ZFAT: variants seen among roughly 807,000 people sequenced by gnomAD.
ZFAT encodes the protein zinc finger protein ZFAT.
In ZFAT, 64 loss-of-function variants were observed where a neutral mutation model predicts 117.7. That is an observed-to-expected ratio of 0.54 (90% CI 0.44 to 0.67). The LOEUF (loss-of-function observed/expected upper bound fraction) is 0.67, where lower values mean the gene tolerates loss of function less well. Among genes scored for constraint, ZFAT ranks in the 30% least tolerant of loss-of-function variants. ZFAT has a pLI of 0.00. For missense variants in ZFAT, 1,433 were observed against 1,584.5 expected (o/e 0.90, Z 1.62); for synonymous variants, 679 against 615.0 (o/e 1.10, Z -1.54).
intron 15 of ZFAT, among the ~76,000 whole-genome samples, chr8:134,488,236 T>C (rs1303098545): frequency 1.3e-5 from 2 of 152,168 alleles, no homozygotes; most frequent in Non-Finnish European, 2.9e-5. Context: ...CCTTTGCTAA[T>C]GAAGTTGGCA....
intron 11 of ZFAT, 38 bp from the exon 12 acceptor site, chr8:134,533,010 C>T (rs1422660192): frequency 1.3e-6 from 2 of 1,573,720 alleles, no homozygotes; most frequent in Non-Finnish European, 1.7e-6. Context: ...AAAGGTGAGC[C>T]CCAGATGTCT....
chr8:134,619,539 CTTGT>C (rs968177589), intron 3 of ZFAT, among the ~76,000 whole-genome samples: 34 of 152,144 alleles, frequency 2.2e-4, no homozygotes, highest in Admixed American at 2.2e-3. Context: ...TTACTTATTT[CTTGT>C]TTGTCTCCCC....
chr8:134,800,480 A>G, the ZFAT span: 12 of 482,612 alleles, frequency 2.5e-5, no homozygotes, highest in Non-Finnish European at 4.3e-5. Flanking sequence ...TCTGTATACT[A>G]TTCTTGCCAA....
intron 15 of ZFAT, among the ~76,000 whole-genome samples, chr8:134,509,107 A>T (rs1202276937): frequency 6.6e-6 from 1 of 152,196 alleles, no homozygotes; most frequent in African/African-American, 2.4e-5. Flanking sequence ...CAGATAAAGG[A>T]TTAATTAAGT....
intron 1 of ZFAT, among the ~76,000 whole-genome samples, chr8:134,660,068 G>A (rs1586909240): frequency 6.6e-6 from 1 of 152,312 alleles, no homozygotes; most frequent in East Asian, 1.9e-4. Context: ...CGAACAAGAA[G>A]AGATTAGAGT....
chr8:134,653,210 G>A (rs1586895766), intron 2 of ZFAT, among the ~76,000 whole-genome samples: 1 of 133,228 alleles, frequency 7.5e-6, no homozygotes, highest in South Asian at 2.4e-4. Flanking sequence ...GGGTACATGT[G>A]CACAACGTGC....
At chr8:134,704,671 G>A (rs1323777636) in intron 1 of ZFAT, among the ~76,000 whole-genome samples, 1 of 152,172 alleles carries the variant, frequency 6.6e-6, no homozygotes, top group Non-Finnish European at 1.5e-5. Context: ...AACAAATAGA[G>A]CAATGGAACA....
chr8:134,792,419 G>C, the ZFAT span: 46 of 152,240 alleles, frequency 3.0e-4, no homozygotes, highest in African/African-American at 1.1e-3. Flanking sequence ...TTAATTGTCA[G>C]GTATGCCTTT....
chr8:134,829,592 T>G, the ZFAT span, among the ~76,000 whole-genome samples: 1 of 152,240 alleles, frequency 6.6e-6, no homozygotes, highest in African/African-American at 2.4e-5. Flanking sequence ...ATTAGATAAA[T>G]ACCATTTAAA....
At chr8:134,623,218 T>G (rs914362322) in intron 3 of ZFAT, among the ~76,000 whole-genome samples, 3 of 152,072 alleles carry the variant, frequency 2.0e-5, no homozygotes, top group African/African-American at 7.2e-5. Flanking sequence ...CACCCCAGCT[T>G]CCTCTCACTG....
At chr8:134,778,024 T>G in the ZFAT span, among the ~76,000 whole-genome samples, 1 of 152,196 alleles carries the variant, frequency 6.6e-6, no homozygotes, top group African/African-American at 2.4e-5. Flanking sequence ...ACTGGCCTTC[T>G]TCCTGCCAGC....
At chr8:134,484,889 G>A (rs1817559597) in intron 15 of ZFAT, among the ~76,000 whole-genome samples, 1 of 152,156 alleles carries the variant, frequency 6.6e-6, no homozygotes, top group Non-Finnish European at 1.5e-5. Context: ...TCAAACTCCT[G>A]GACTCAAGAG....
At position 134,509,606 on chromosome 8, in the gene ZFAT, G is replaced by C. The variant is rs745463815; in HGVS notation, c.3492+13C>G. The C allele has an allele frequency of 1.9e-6, 3 of 1,613,250 alleles. No homozygotes were observed. The highest frequency in any genetic ancestry group is 2.5e-6 in the Non-Finnish European group (3 of 1,179,686). On this transcript the variant is annotated intron_variant, in intron 15 of 15. Coordinates refer to ENST00000377838, the MANE Select transcript of ZFAT (RefSeq NM_020863.4). The stretch of plus-strand genomic sequence containing the variant: ...CACACAGAGATGAATAGTTACAGAA[G>C]GAGGGTCCCTACCTGCTTAACCACA...
At chr8:134,687,554 C>T (rs1256143607) in intron 1 of ZFAT, among the ~76,000 whole-genome samples, 1 of 152,152 alleles carries the variant, frequency 6.6e-6, no homozygotes, top group Non-Finnish European at 1.5e-5. Context: ...AATCATTTTA[C>T]ATAAACAGGA....
intron 11 of ZFAT, among the ~76,000 whole-genome samples, chr8:134,559,512 T>C (rs1586707781): frequency 6.6e-6 from 1 of 152,240 alleles, no homozygotes; most frequent in Non-Finnish European, 1.5e-5. Flanking sequence ...ACAGTAAGCA[T>C]TTCATGCATC....
intron 10 of ZFAT, among the ~76,000 whole-genome samples, chr8:134,574,877 T>C (rs1825187934): frequency 6.6e-6 from 1 of 152,224 alleles, no homozygotes; most frequent in Admixed American, 6.5e-5. Context: ...CAAGAGTTTT[T>C]AGAAAATTGA....
intron 1 of ZFAT, among the ~76,000 whole-genome samples, chr8:134,700,649 G>A (rs575869800): frequency 6.6e-6 from 1 of 152,168 alleles, no homozygotes; most frequent in African/African-American, 2.4e-5. Context: ...TGGCCAGTCC[G>A]GGGGGAGGCA....
At chr8:134,610,370 G>T in intron 4 of ZFAT, 100 bp downstream of exon 4, 1 of 1,282,250 alleles carries the variant, frequency 7.8e-7, no homozygotes, top group Non-Finnish European at 1.1e-6. Context: ...CCCCACCAAT[G>T]CACCAGCTCT....
intron 15 of ZFAT, among the ~76,000 whole-genome samples, chr8:134,487,758 C>T (rs541987733): frequency 1.1e-4 from 17 of 152,304 alleles, no homozygotes; most frequent in African/African-American, 1.9e-4. Flanking sequence ...CAGGAAGCTC[C>T]GTCAGTGCCC....
Sources: allele counts gnomAD v4.1 joint callset (sites outside exome capture counted in the v4.1 genomes callset), GRCh38; gene constraint gnomAD v4.1.1; transcripts MANE v1.5; gene names NCBI Gene and HGNC (gene_info 2026-07-23, HGNC 2026-07-21).